Variants in KLF13 observed in about 807,000 individuals in gnomAD.
KLF13 encodes Krueppel-like factor 13.
In KLF13, 8 loss-of-function variants were observed where a neutral mutation model predicts 16.7. The observed-to-expected ratio is 0.48, with a 90% CI of 0.28 to 0.87. The LOEUF is 0.87. KLF13 is among the 40% of genes least tolerant of loss of function. The probability of loss-of-function intolerance (pLI) is 0.10; values close to 1 mark genes in which losing one functional copy is unlikely to be tolerated. For synonymous variants in KLF13, 245 were observed against 208.4 expected (o/e 1.18, Z -1.51); for missense variants, 447 against 452.2 (o/e 0.99, Z 0.10).
intron 1 of KLF13, among the ~76,000 whole-genome samples, chr15:31,363,167 C>T (rs776122443): frequency 3.3e-5 from 5 of 152,260 alleles, no homozygotes; most frequent in Non-Finnish European, 7.3e-5. Flanking sequence ...TGCTTACCTG[C>T]AGCCTCACCA....
intron 1 of KLF13, among the ~76,000 whole-genome samples, chr15:31,333,479 G>A (rs1214687721): frequency 1.3e-5 from 2 of 152,180 alleles, no homozygotes; most frequent in African/African-American, 2.4e-5. Flanking sequence ...GGTTGAGGGA[G>A]TAGTATAGTG....
chr15:31,388,619 A>G (rs993110713), upstream of KLF13, among the ~76,000 whole-genome samples: 5 of 150,714 alleles, frequency 3.3e-5, no homozygotes, highest in Non-Finnish European at 5.9e-5. Flanking sequence ...AAAAAAAAAA[A>G]AAAGAAAAAG....
At chr15:31,353,111 G>A (rs568488080) in intron 1 of KLF13, among the ~76,000 whole-genome samples, 3 of 152,226 alleles carry the variant, frequency 2.0e-5, no homozygotes, top group Middle Eastern at 3.4e-3. Context: ...TGGGCTCAAG[G>A]GTGGCTCCAC....
intron 1 of KLF13, among the ~76,000 whole-genome samples, chr15:31,335,473 GTGTAT>G (rs2038914971): frequency 9.3e-4 from 32 of 34,576 alleles, no homozygotes; most frequent in Admixed American, 3.5e-3. Context: ...GTGTGTGTGT[GTGTAT>G]GGTGGCGGGG....
intron 1 of KLF13, among the ~76,000 whole-genome samples, chr15:31,383,562 C>T (rs768454004): frequency 8.5e-5 from 13 of 152,108 alleles, no homozygotes; most frequent in Admixed American, 2.0e-4. Flanking sequence ...GTGAATGCAG[C>T]GAATGTCACA....
chr15:31,355,900 G>T (rs531250272), intron 1 of KLF13, among the ~76,000 whole-genome samples: 2 of 152,114 alleles, frequency 1.3e-5, no homozygotes, highest in South Asian at 2.1e-4. Flanking sequence ...CTCTGTGGGG[G>T]TTGGCTGTCA....
Position 31,424,197 on chromosome 15 carries a change from A to T in KLF13, n.118-11173A>T, listed in dbSNP as rs185827977. On this transcript the variant is annotated intron_variant and non_coding_transcript_variant, in intron 1 of 1. Transcript: ENST00000558225. ...AATATAAATTATTTGCAAACTTTTT[A>T]AAAAATTGAAGAAAAAGGAATTTGA... 1.5e-3 allele frequency among the ~76,000 whole-genome samples: 224 copies of T among 152,276 alleles called. 1 individual carries two copies. The highest frequency in any genetic ancestry group is 5.0e-3 in the African/African-American group (209 of 41,566).
chr15:31,333,556 T>C (rs2038871865), intron 1 of KLF13, among the ~76,000 whole-genome samples: 1 of 152,222 alleles, frequency 6.6e-6, no homozygotes, highest in African/African-American at 2.4e-5. Flanking sequence ...CCTTTCCTCC[T>C]TCTCTTTTTC....
downstream of KLF13, among the ~76,000 whole-genome samples, chr15:31,404,894 G>A (rs1293142610): frequency 6.6e-6 from 1 of 152,206 alleles, no homozygotes. Context: ...TGGAGCCTAG[G>A]GTCTTCACTC....
At chr15:31,405,446 C>T (rs781334913), downstream of KLF13, among the ~76,000 whole-genome samples, 6 of 152,238 alleles carry the variant, frequency 3.9e-5, no homozygotes, top group South Asian at 2.1e-4. Context: ...AATATGCTGG[C>T]GCCTTAATTT....
At chr15:31,404,513 G>GC (rs2040086963) in exon 3 of KLF13, 1 of 152,224 alleles carries the variant, frequency 6.6e-6, no homozygotes, top group Non-Finnish European at 1.5e-5. Context: ...GGACCAATCA[G>GC]AACACTGTAA....
chr15:31,347,276 G>C (rs1257392541), intron 1 of KLF13, among the ~76,000 whole-genome samples: 1 of 152,202 alleles, frequency 6.6e-6, no homozygotes, highest in Non-Finnish European at 1.5e-5. Flanking sequence ...GAGCCCCACT[G>C]GGACAGCACA....
At position 31,336,531 on chromosome 15, in the gene KLF13, C is replaced by G. The variant is rs1345760279; in HGVS notation, c.577+8742C>G. ...TCCTCCTCTGATAAACTTCTCTGAG[C>G]CTTTCTACTTGTCTTTAACCCTTTT... On this transcript the variant is annotated intron_variant, in intron 1 of 1. Coordinates refer to ENST00000307145, the MANE Select transcript of KLF13 (RefSeq NM_015995.4). Among the ~76,000 whole-genome samples the G allele has an allele frequency of 5.3e-5, 8 of 152,196 alleles. No homozygotes were observed. The South Asian group carries it at 1.0e-3, about 20-fold the overall frequency.
chr15:31,347,696 T>C (rs1046705049), intron 1 of KLF13, among the ~76,000 whole-genome samples: 2 of 152,214 alleles, frequency 1.3e-5, no homozygotes, highest in African/African-American at 4.8e-5. Flanking sequence ...GGTGTCACAG[T>C]GGCTGGGCCC....
intron 1 of KLF13, among the ~76,000 whole-genome samples, chr15:31,347,949 T>C (rs888465513): frequency 1.3e-5 from 2 of 152,260 alleles, no homozygotes; most frequent in East Asian, 3.8e-4. Flanking sequence ...GCTGCGCTTC[T>C]CAGTGCGTTC....
At chr15:31,427,502 A>ACC (rs2040414232) in intron 1 of KLF13, among the ~76,000 whole-genome samples, 1 of 152,236 alleles carries the variant, frequency 6.6e-6, no homozygotes, top group Non-Finnish European at 1.5e-5. Flanking sequence ...TTTCAAAGTG[A>ACC]TGTTTGCACA....
chr15:31,327,994 C>G (rs998823103), intron 1 of KLF13, among the ~76,000 whole-genome samples: 1 of 148,068 alleles, frequency 6.8e-6, no homozygotes, highest in Non-Finnish European at 1.5e-5. Context: ...GAGCCGGCGC[C>G]CGCCAGGCGA....
chr15:31,328,469 C>T (rs1439543386), intron 1 of KLF13, among the ~76,000 whole-genome samples: 1 of 152,034 alleles, frequency 6.6e-6, no homozygotes, highest in Admixed American at 6.5e-5. Flanking sequence ...CCCCGCCCAT[C>T]CGGCCCGGCG....
At chr15:31,394,910 T>G (rs898199606) in intron 2 of KLF13, among the ~76,000 whole-genome samples, 9 of 152,222 alleles carry the variant, frequency 5.9e-5, no homozygotes, top group African/African-American at 2.2e-4. Flanking sequence ...TGTGTCTGTC[T>G]CATTTCACTT....
Sources: allele counts gnomAD v4.1 joint callset (sites outside exome capture counted in the v4.1 genomes callset), GRCh38; gene constraint gnomAD v4.1.1; transcripts MANE v1.5; gene names NCBI Gene and HGNC (gene_info 2026-07-23, HGNC 2026-07-21).